Variants in CASK observed in about 807,000 individuals in gnomAD.
The protein encoded by CASK is peripheral plasma membrane protein CASK.
A neutral mutation model predicts 82.9 loss-of-function variants in CASK; 4 were observed. The ratio of observed to expected loss-of-function variants is 0.05; its 90% CI spans 0.02 to 0.11. CASK has a LOEUF of 0.11. CASK is among the 10% of genes least tolerant of loss of function. The pLI is 1.00. For missense variants in CASK, 358 were observed against 720.9 expected (o/e 0.50, Z 5.76); for synonymous variants, 259 against 253.5 (o/e 1.02, Z -0.20).
At chrX:41,836,282 TGAC>T (rs1380217498) in intron 2 of CASK, among the ~76,000 whole-genome samples, 5 of 112,234 alleles carry the variant, frequency 4.5e-5, no homozygotes, top group Non-Finnish European at 7.5e-5. Flanking sequence ...AATAATTAAA[TGAC>T]TATTATGATC....
chrX:41,758,321 G>A (rs769210638), intron 3 of CASK, among the ~76,000 whole-genome samples: 7 of 108,834 alleles, frequency 6.4e-5, no homozygotes, highest in Non-Finnish European at 1.1e-4. Flanking sequence ...TGTAATCCCA[G>A]CTATTCGGGA....
chrX:41,801,411 C>T, intron 2 of CASK, among the ~76,000 whole-genome samples: 1 of 111,984 alleles, frequency 8.9e-6, no homozygotes, highest in East Asian at 2.8e-4. Context: ...ACCTGCATGA[C>T]CTGTGATGGC....
intron 3 of CASK, among the ~76,000 whole-genome samples, chrX:41,766,145 T>C (rs914515957): frequency 8.9e-6 from 1 of 112,077 alleles, no homozygotes; most frequent in Non-Finnish European, 1.9e-5. Flanking sequence ...ATCAAGCTTG[T>C]GGCAAAACCA....
rs570335394 is a variant in CASK, at chrX:41,843,653, C to T, written c.172+9462G>A. On this transcript the variant is annotated intron_variant, in intron 2 of 26. Coordinates refer to ENST00000378163, the MANE Select transcript of CASK (RefSeq NM_001367721.1). ...TCAAATTTTGAACATTTAATCACTTCGAAAAGAAATCCCATACCCATTACC... is the reference window on the plus strand; with the variant it reads ...TCAAATTTTGAACATTTAATCACTTTGAAAAGAAATCCCATACCCATTACC... 1.4e-3 allele frequency among the ~76,000 whole-genome samples: 154 copies of T among 111,437 alleles called. No homozygotes were observed. In the Middle Eastern group the frequency reaches 0.028, roughly 20 times the overall value.
chrX:41,637,533 T>C (rs1356525200), intron 8 of CASK, among the ~76,000 whole-genome samples: 3 of 102,555 alleles, frequency 2.9e-5, no homozygotes, highest in Non-Finnish European at 4.0e-5. Flanking sequence ...GGCAGGAAGA[T>C]TGTTGGAGCC....
chrX:41,564,000 G>A (rs1332527045), intron 16 of CASK, among the ~76,000 whole-genome samples: 2 of 111,432 alleles, frequency 1.8e-5, no homozygotes, highest in Admixed American at 9.5e-5. Flanking sequence ...AATTAACTAC[G>A]GGCCAGTCTC....
intron 1 of CASK, among the ~76,000 whole-genome samples, chrX:41,863,009 G>C (rs2071522848): frequency 1.8e-5 from 2 of 111,943 alleles, no homozygotes; most frequent in African/African-American, 6.5e-5. Flanking sequence ...AGGGCATATA[G>C]ATAGGAGTAT....
intron 5 of CASK, among the ~76,000 whole-genome samples, chrX:41,733,334 T>C (rs2068437577): frequency 9.0e-6 from 1 of 111,408 alleles, no homozygotes; most frequent in African/African-American, 3.3e-5. Context: ...ATAATAATCA[T>C]GTAATCCATG....
chrX:41,685,558 G>A (rs1464540626), intron 5 of CASK, among the ~76,000 whole-genome samples: 2 of 111,657 alleles, frequency 1.8e-5, no homozygotes, highest in Admixed American at 1.9e-4. Flanking sequence ...ATGGCTTACT[G>A]CAGCCTCCAC....
At chrX:41,787,469 T>C (rs1479479399) in intron 2 of CASK, among the ~76,000 whole-genome samples, 186 bp from the exon 3 acceptor site, 1 of 110,034 alleles carries the variant, frequency 9.1e-6, no homozygotes, top group African/African-American at 3.3e-5. Context: ...TTTCATATTT[T>C]TTGCAAGCTT....
intron 5 of CASK, among the ~76,000 whole-genome samples, chrX:41,707,459 C>T (rs1373474195): frequency 8.9e-6 from 1 of 112,119 alleles, no homozygotes; most frequent in African/African-American, 3.2e-5. Context: ...AACTACCCAG[C>T]TGAGTCTAGA....
chrX:41,742,160 C>T (rs1287886516), intron 4 of CASK, among the ~76,000 whole-genome samples: 1 of 111,886 alleles, frequency 8.9e-6, no homozygotes, highest in Non-Finnish European at 1.9e-5. Flanking sequence ...CACGGGATCT[C>T]TGAGGCACAG....
At chrX:41,540,185 T>C (rs1460092203) in intron 22 of CASK, among the ~76,000 whole-genome samples, 1 of 112,044 alleles carries the variant, frequency 8.9e-6, no homozygotes, top group Non-Finnish European at 1.9e-5. Context: ...AAAATACTGA[T>C]GATACCAAAC....
intron 5 of CASK, among the ~76,000 whole-genome samples, chrX:41,682,521 T>C (rs1231204625): frequency 1.6e-5 from 1 of 61,784 alleles, no homozygotes; most frequent in African/African-American, 6.4e-5. Context: ...AGAATGAGAC[T>C]GTCTCAGGAA....
chrX:41,892,091 G>A (rs893001807), intron 1 of CASK, among the ~76,000 whole-genome samples: 1 of 110,589 alleles, frequency 9.0e-6, no homozygotes, highest in Middle Eastern at 4.6e-3. Context: ...TACTTGAGAA[G>A]CTGAGATGGG....
chrX:41,724,956 A>AT (rs1383796212), intron 5 of CASK, among the ~76,000 whole-genome samples: 1 of 111,966 alleles, frequency 8.9e-6, no homozygotes, highest in African/African-American at 3.2e-5. Flanking sequence ...TGAGCAGATA[A>AT]TTTTTTCTTA....
At chrX:41,676,548 G>A in intron 5 of CASK, 2 of 1,057,390 alleles carry the variant, frequency 1.9e-6, no homozygotes, top group Non-Finnish European at 2.5e-6. Flanking sequence ...GCCTCGCCTG[G>A]GTCTACCTGG....
chrX:41,586,699 C>A (rs17315793), intron 14 of CASK: 1 of 398,515 alleles, frequency 2.5e-6, no homozygotes, highest in Non-Finnish European at 4.4e-6. Flanking sequence ...TGAAAAGCCA[C>A]TTCACCAAGA....
intron 5 of CASK, chrX:41,727,932 T>C: frequency 8.5e-7 from 1 of 1,183,337 alleles, no homozygotes; most frequent in Non-Finnish European, 1.1e-6. Flanking sequence ...CGGCCAGAAG[T>C]AGCACAGACC....
Sources: allele counts gnomAD v4.1 joint callset (sites outside exome capture counted in the v4.1 genomes callset), GRCh38; gene constraint gnomAD v4.1.1; transcripts MANE v1.5; gene names NCBI Gene and HGNC (gene_info 2026-07-23, HGNC 2026-07-21).